SEC14L5: variants seen among roughly 807,000 people sequenced by gnomAD.
SEC14L5 encodes SEC14-like protein 5.
In SEC14L5, 96 loss-of-function variants were observed where a neutral mutation model predicts 84.6. That is an observed-to-expected ratio of 1.13 (90% CI 0.96 to 1.34). The LOEUF (loss-of-function observed/expected upper bound fraction) is 1.34, where lower values mean the gene tolerates loss of function less well. Among genes scored for constraint, SEC14L5 ranks in the 40% most tolerant of loss-of-function variants. The pLI, the probability that SEC14L5 is intolerant of heterozygous loss-of-function variation, is 0.00. For missense variants in SEC14L5, 1,224 were observed against 942.5 expected (o/e 1.30, Z -3.91); for synonymous variants, 546 against 383.4 (o/e 1.42, Z -4.95).
chr16:4,976,674 G>C (rs542519986), intron 2 of SEC14L5, among the ~76,000 whole-genome samples: 1 of 152,198 alleles, frequency 6.6e-6, no homozygotes, highest in African/African-American at 2.4e-5. Flanking sequence ...AGGCAGCCCT[G>C]CTTGGTCCCT....
At chr16:4,969,434 G>T (rs1315182115) in intron 2 of SEC14L5, among the ~76,000 whole-genome samples, 2 of 151,938 alleles carry the variant, frequency 1.3e-5, no homozygotes, top group Non-Finnish European at 2.9e-5. Flanking sequence ...GCCCAGGCTG[G>T]AATGCAATGG....
intron 2 of SEC14L5, among the ~76,000 whole-genome samples, chr16:4,978,961 C>T (rs1192719265): frequency 1.3e-5 from 2 of 152,118 alleles, no homozygotes; most frequent in Non-Finnish European, 2.9e-5. Flanking sequence ...GTCTCGAAGT[C>T]CTGGGCTCAA....
chr16:4,987,771 C>A, intron 3 of SEC14L5, 65 bp downstream of exon 3: 2 of 1,246,128 alleles, frequency 1.6e-6, no homozygotes, highest in Non-Finnish European at 2.1e-6. Flanking sequence ...GAGGGCTGGG[C>A]GCGGGAGCTG....
rs754286598 is a variant in SEC14L5 at position 5,011,113 on chromosome 16, T to G, written c.1819T>G (p.Trp607Gly). 1.9e-6 allele frequency: 3 copies of G among 1,605,094 alleles called. No homozygotes were observed. The South Asian group carries it at 3.3e-5, about 18-fold the overall frequency. Residue 607 changes from tryptophan to glycine, a missense_variant, in exon 15 of 16, where the codon TGG becomes GGG. Trp to Gly is a radical substitution (Grantham distance 184, BLOSUM62 -2). Transcript: ENST00000251170. ...ESIQGSHVTR[W>G]PGVYLLQWQM... ...GTTTCAGGGCTCCCATGTGACCCGG[T>G]GGCCCGGCGTCTACCTGCTCCAGTG...
At chr16:4,991,063 A>T (rs973043254) in intron 5 of SEC14L5, among the ~76,000 whole-genome samples, 168 bp downstream of exon 5, 1 of 151,852 alleles carries the variant, frequency 6.6e-6, no homozygotes, top group Admixed American at 6.6e-5. Flanking sequence ...GATGGAAAGT[A>T]ACTGGTCTGT....
chr16:4,961,513 T>C (rs938978368), intron 2 of SEC14L5, among the ~76,000 whole-genome samples: 2 of 152,062 alleles, frequency 1.3e-5, no homozygotes, highest in Non-Finnish European at 2.9e-5. Context: ...ATTTTCAGTA[T>C]AGACGGGGTT....
At chr16:5,009,498 A>G (rs1250192116) in intron 14 of SEC14L5, among the ~76,000 whole-genome samples, 1 of 151,792 alleles carries the variant, frequency 6.6e-6, no homozygotes, top group Non-Finnish European at 1.5e-5. Context: ...TAACTTTTGT[A>G]TTTTTTGTAG....
chr16:5,006,690 A>T (rs1324443400), intron 12 of SEC14L5, among the ~76,000 whole-genome samples: 1 of 152,078 alleles, frequency 6.6e-6, no homozygotes, highest in South Asian at 2.1e-4. Context: ...TTTTCCTAGG[A>T]ATTTTTCCAG....
At chr16:4,979,100 C>CCATGGTCAA (rs1955387691) in intron 2 of SEC14L5, among the ~76,000 whole-genome samples, 2 of 152,084 alleles carry the variant, frequency 1.3e-5, no homozygotes, top group Non-Finnish European at 2.9e-5. Flanking sequence ...TCAGAGGTGC[C>CCATGGTCAA]CATGGTCAAG....
chr16:4,983,811 A>G (rs936268852), intron 2 of SEC14L5, among the ~76,000 whole-genome samples: 12 of 151,750 alleles, frequency 7.9e-5, no homozygotes, highest in Non-Finnish European at 1.6e-4. Context: ...TGGGAGGTGG[A>G]GGTTGCAGTG....
At chr16:5,007,585 C>CT (rs1389981345) in intron 13 of SEC14L5, 99 bp downstream of exon 13, 4 of 821,104 alleles carry the variant, frequency 4.9e-6, no homozygotes, top group Non-Finnish European at 7.3e-6. Context: ...ATTCTTTTTT[C>CT]TTTTCTTTCT....
chr16:4,992,135 C>G (rs548934292), intron 6 of SEC14L5, 105 bp downstream of exon 6: 452 of 768,842 alleles, frequency 5.9e-4, no homozygotes, highest in Non-Finnish European at 5.2e-4. Flanking sequence ...TGCCGTCCCC[C>G]CTGGGAATGG....
chr16:4,966,519 C>A lies in SEC14L5; in HGVS notation c.63+7133C>A, dbSNP rs1448090517. Among the ~76,000 whole-genome samples, 3 of 151,968 alleles carry A rather than the reference C, an allele frequency of 2.0e-5. No individual in the cohort carries two copies. The East Asian group carries it at 5.8e-4, about 29-fold the overall frequency. On this transcript the variant is annotated intron_variant, in intron 2 of 15. Coordinates refer to ENST00000251170, the MANE Select transcript of SEC14L5 (RefSeq NM_014692.2). ...GGAACTCCTGACCTCAGGTAATCAC[C>A]CGACTTAGCCTCCCAAAATGCTGGG...
intron 15 of SEC14L5, among the ~76,000 whole-genome samples, chr16:5,013,845 AC>A (rs1383363205): frequency 6.6e-6 from 1 of 152,092 alleles, no homozygotes; most frequent in Non-Finnish European, 1.5e-5. Context: ...GGCATGAGCC[AC>A]TGTGCCTGGC....
In SEC14L5 at chr16:5,014,861, G is replaced by T; in HGVS notation, c.1982G>T (p.Gly661Val). ...CEVLASEDFR[G>V]SMSSLESCTS... The stretch of plus-strand genomic sequence containing the variant: ...TGTGCCACGCCCTTCCTCCCCAGGG[G>T]CTCCATGTCCAGCCTGGAATCCTGC... Residue 661 changes from glycine to valine, a missense_variant and splice_region_variant, in exon 16 of 16, where the codon GGC becomes GTC. Transcript: ENST00000251170. 1 of 1,613,172 alleles carries T rather than the reference G, an allele frequency of 6.2e-7. No individual in the cohort carries two copies. Among genetic ancestry groups the T allele is most frequent in the Non-Finnish European group, 8.5e-7 (1 of 1,179,376 alleles).
chr16:4,997,779 G>A (rs1425181600), intron 8 of SEC14L5, among the ~76,000 whole-genome samples: 1 of 152,118 alleles, frequency 6.6e-6, no homozygotes, highest in Non-Finnish European at 1.5e-5. Flanking sequence ...ATCCTTGCCT[G>A]CTTTTTCCAG....
At chr16:4,977,763 G>A (rs17633346) in intron 2 of SEC14L5, among the ~76,000 whole-genome samples, 8,600 of 151,778 alleles carry the variant, frequency 0.057, 341 homozygotes, top group Middle Eastern at 0.088. Context: ...CTTGGCAGGC[G>A]TTTGAATTTT....
At position 4,982,933 on chromosome 16, in the gene SEC14L5, CA is replaced by C. The variant is rs201594590; in HGVS notation, c.64-4616del. On this transcript the variant is annotated intron_variant, in intron 2 of 15. Coordinates refer to ENST00000251170, the MANE Select transcript of SEC14L5 (RefSeq NM_014692.2). Reference sequence around the variant, plus strand: ...TACTGAATATTTACATGAACATATACAAAAAAAATTATGTAATAGATATATT... The same window carrying C: ...TACTGAATATTTACATGAACATATACAAAAAAATTATGTAATAGATATATT... Among the ~76,000 whole-genome samples, 850 of 151,774 alleles carry C rather than the reference CA, an allele frequency of 5.6e-3. 6 individuals are homozygous for C. The highest frequency in any genetic ancestry group is 0.018 in the African/African-American group (744 of 41,410).
chr16:5,004,038 G>A (rs1326640022), intron 11 of SEC14L5, among the ~76,000 whole-genome samples: 1 of 152,266 alleles, frequency 6.6e-6, no homozygotes, highest in Non-Finnish European at 1.5e-5. Flanking sequence ...GGTGCAGCCA[G>A]CCACTTGCAT....
Sources: allele counts gnomAD v4.1 joint callset (sites outside exome capture counted in the v4.1 genomes callset), GRCh38; gene constraint gnomAD v4.1.1; transcripts MANE v1.5; gene names NCBI Gene and HGNC (gene_info 2026-07-23, HGNC 2026-07-21).